XDH: variants seen among roughly 807,000 people sequenced by gnomAD.
XDH encodes the protein xanthine dehydrogenase/oxidase.
XDH carries 138 observed loss-of-function variants against 156.1 expected under a neutral mutation model. The ratio of observed to expected loss-of-function variants is 0.88; its 90% CI spans 0.77 to 1.02. The LOEUF is 1.02. Ranked by LOEUF, XDH falls within the 50% of genes least tolerant of loss-of-function variation. The pLI is 0.00. For missense variants in XDH, 1,849 were observed against 1,684.9 expected, an observed-to-expected ratio of 1.10 and a Z score of -1.71; for synonymous variants, 669 against 625.7, an observed-to-expected ratio of 1.07 and a Z score of -1.03.
At chr2:31,371,137 G>A (rs1260721190) in intron 17 of XDH, among the ~76,000 whole-genome samples, 1 of 152,182 alleles carries the variant, frequency 6.6e-6, no homozygotes, top group African/African-American at 2.4e-5. Flanking sequence ...ACCGCAAAGG[G>A]AGAATGCCCG....
intron 15 of XDH, among the ~76,000 whole-genome samples, chr2:31,374,986 C>T (rs1686187872): frequency 6.8e-6 from 1 of 146,972 alleles, no homozygotes; most frequent in Non-Finnish European, 1.5e-5. Context: ...CATTCCCTTT[C>T]TTTTTTTCCT....
chr2:31,383,058 G>A lies in XDH; in HGVS notation c.981C>T (p.Phe327=), dbSNP rs147062442. The A allele has an allele frequency of 1.8e-5, 29 of 1,614,036 alleles. No individual in the cohort carries two copies. In the African/African-American group the frequency reaches 3.6e-4, roughly 20 times the overall value. The change falls in exon 11 of 36, where the codon TTC becomes TTT. Residue 327 remains phenylalanine, a synonymous_variant. Coordinates refer to ENST00000379416, the MANE Select transcript of XDH (RefSeq NM_000379.4). ...AGCGCAGCTGCTCCAGGACCCCTCT[G>A]AACACCTCTGTCTTTTGGGCAGGAA... is the stretch of plus-strand genomic sequence containing the variant. ...AKLPAQKTEV[F]RGVLEQLRWF...
intron 5 of XDH, 152 bp downstream of exon 5, chr2:31,398,421 T>G: frequency 1.4e-6 from 2 of 1,436,002 alleles, no homozygotes. Context: ...GAGGGTTGGC[T>G]TTCTAGCAGA....
rs750790928 is a variant in XDH, at chr2:31,405,912, C to A, written c.95G>T (p.Arg32Ile). The A allele has an allele frequency of 7.4e-6, 12 of 1,614,214 alleles. No individual in the cohort carries two copies. Among genetic ancestry groups the A allele is most frequent in the Non-Finnish European group, 8.5e-6 (10 of 1,180,040 alleles). Residue 32 changes from arginine to isoleucine, a missense_variant, in exon 2 of 36, where the codon AGA (arginine) becomes ATA (isoleucine). Transcript: ENST00000379416. ...CCACTCCAAAGTCAGGATACACTTT[C>A]TTCTCAGGTAGGCCAAAAGGGTTGT... ...PETTLLAYLR[R>I]KLGLSGTKLG...
rs537637062 is a variant in XDH at position 31,383,256 on chromosome 2, T to C, written c.887-104A>G. On this transcript the variant is annotated intron_variant, in intron 10 of 35. Coordinates refer to ENST00000379416, the MANE Select transcript of XDH (RefSeq NM_000379.4). Reference sequence around the variant, plus strand: ...TTCCAGCAACTGGAGCAAGGCTGAATCAGGACTCACAGCTTTCCATGGATG... The same window carrying C: ...TTCCAGCAACTGGAGCAAGGCTGAACCAGGACTCACAGCTTTCCATGGATG... 4.6e-4 allele frequency: 723 copies of C among 1,562,762 alleles called. 10 individuals carry two copies. The South Asian group carries it at 7.8e-3, about 17-fold the overall frequency.
chr2:31,401,082 GC>G (rs1687046256), intron 4 of XDH, 137 bp downstream of exon 4: 2 of 936,324 alleles, frequency 2.1e-6, no homozygotes, highest in Admixed American at 4.0e-5. Flanking sequence ...TGGGGAGGTG[GC>G]CAGGGTGAAA....
chr2:31,362,361 G>A, intron 24 of XDH, among the ~76,000 whole-genome samples: 1 of 152,182 alleles, frequency 6.6e-6, no homozygotes, highest in South Asian at 2.1e-4. Context: ...CTGATCCTGA[G>A]TGTCACTCTA....
intron 13 of XDH, among the ~76,000 whole-genome samples, chr2:31,377,617 C>A (rs1246540185): frequency 1.3e-5 from 2 of 152,098 alleles, no homozygotes; most frequent in Admixed American, 1.3e-4. Context: ...ACTATCAGTG[C>A]CCACCCAGCC....
chr2:31,383,876 A>G, intron 9 of XDH, 29 bp from the exon 10 acceptor site: 2 of 1,605,660 alleles, frequency 1.2e-6, no homozygotes, highest in Non-Finnish European at 1.7e-6. Context: ...CTGAAGTTGT[A>G]GGCCCATTGT....
At position 31,385,474 on chromosome 2, in the gene XDH, T is replaced by C. The variant is rs45621133; in HGVS notation, c.793+940A>G. On this transcript the variant is annotated intron_variant, in intron 9 of 35. Coordinates refer to ENST00000379416, the MANE Select transcript of XDH (RefSeq NM_000379.4). The stretch of plus-strand genomic sequence containing the variant: ...CTGTGGCTGAGGAGCCAACCAGAAC[T>C]CAGGGCTTGGCAGCTCCTTCAGGAA... 8.9e-3 allele frequency among the ~76,000 whole-genome samples: 1,352 copies of C among 152,260 alleles called. 17 individuals carry two copies. The highest frequency in any genetic ancestry group is 0.042 in the South Asian group (202 of 4,830).
chr2:31,409,522 T>C (rs1396292359), intron 1 of XDH, among the ~76,000 whole-genome samples: 1 of 152,190 alleles, frequency 6.6e-6, no homozygotes, highest in Admixed American at 6.6e-5. Context: ...TCAGTGACTA[T>C]GAGATCAAGT....
intron 35 of XDH, 93 bp from the exon 36 acceptor site, chr2:31,336,101 A>G (rs1292836252): frequency 7.2e-7 from 1 of 1,380,318 alleles, no homozygotes; most frequent in African/African-American, 1.4e-5. Flanking sequence ...ACTGCCAACC[A>G]TCATTCCAAG....
chr2:31,375,253 G>T, intron 15 of XDH, 127 bp downstream of exon 15: 1 of 1,250,236 alleles, frequency 8.0e-7, no homozygotes, highest in Non-Finnish European at 1.2e-6. Flanking sequence ...TTCTTGTGCT[G>T]TGACCCTGGT....
chr2:31,363,208 A>C (rs542823808), intron 24 of XDH, among the ~76,000 whole-genome samples: 1 of 152,342 alleles, frequency 6.6e-6, no homozygotes, highest in East Asian at 1.9e-4. Context: ...GCTACTCGGG[A>C]GGCTGAGACA....
chr2:31,377,291 A>C, intron 13 of XDH, 54 bp from the exon 14 acceptor site: 5 of 1,608,108 alleles, frequency 3.1e-6, no homozygotes, highest in African/African-American at 1.3e-5. Context: ...AGGGGCTGCA[A>C]ATGGCAGACC....
At chr2:31,337,361 G>T (rs113120560) in intron 35 of XDH, among the ~76,000 whole-genome samples, 3 of 152,200 alleles carry the variant, frequency 2.0e-5, no homozygotes, top group African/African-American at 7.2e-5. Context: ...TATCTAGATG[G>T]AAAATAATAA....
chr2:31,409,155 G>A (rs921994170), intron 1 of XDH, among the ~76,000 whole-genome samples: 2 of 152,220 alleles, frequency 1.3e-5, no homozygotes, highest in African/African-American at 4.8e-5. Context: ...GTAGTAGGGG[G>A]TAAGAGGAAA....
At chr2:31,353,602 C>G (rs1685546184) in intron 24 of XDH, among the ~76,000 whole-genome samples, 1 of 152,122 alleles carries the variant, frequency 6.6e-6, no homozygotes. Context: ...AGACTTGGGG[C>G]AGGAGCTGGC....
At chr2:31,402,148 G>A (rs1280368061) in intron 3 of XDH, among the ~76,000 whole-genome samples, 1 of 152,064 alleles carries the variant, frequency 6.6e-6, no homozygotes, top group Admixed American at 6.6e-5. Flanking sequence ...TACTTCTTAC[G>A]AATATCTTTA....
Sources: gnomAD v4.1 joint callset for allele counts (sites outside exome capture counted in the v4.1 genomes callset) on GRCh38, gnomAD v4.1.1 for gene constraint, MANE v1.5 for transcripts, NCBI Gene and HGNC (gene_info 2026-07-23, HGNC 2026-07-21) for gene names.